The following PIK3C3 variants were observed in gnomAD, a reference collection of about 807,000 sequenced individuals.
The protein encoded by PIK3C3 is PI3-kinase type 3.
In PIK3C3, 95 loss-of-function variants were observed where a neutral mutation model predicts 126.1. That is an observed-to-expected ratio of 0.75 (90% confidence interval 0.64 to 0.89). The LOEUF (loss-of-function observed/expected upper bound fraction) is 0.89, where lower values mean the gene tolerates loss of function less well. Among genes scored for constraint, PIK3C3 ranks in the 40% least tolerant of loss-of-function variants. The probability of loss-of-function intolerance (pLI) is 0.00; values close to 1 mark genes in which losing one functional copy is unlikely to be tolerated. For missense variants in PIK3C3, 829 were observed against 1,063.2 expected, an observed-to-expected ratio of 0.78 and a Z score of 3.06; for synonymous variants, 374 against 360.0, an observed-to-expected ratio of 1.04 and a Z score of -0.44.
chr18:42,047,364 A>G (rs1984604061), intron 20 of PIK3C3, among the ~76,000 whole-genome samples: 2 of 152,116 alleles, frequency 1.3e-5, no homozygotes, highest in Admixed American at 6.5e-5. Context: ...TAGAGAACCT[A>G]AGTGTACTAA....
At chr18:41,958,971 A>G (rs892035789) in intron 2 of PIK3C3, among the ~76,000 whole-genome samples, 3 of 152,172 alleles carry the variant, frequency 2.0e-5, no homozygotes, top group Non-Finnish European at 2.9e-5. Flanking sequence ...TTAAAGCATA[A>G]CTACAGTATC....
At position 42,004,356 on chromosome 18, in the gene PIK3C3, G is replaced by A. The variant is rs2144382509; in HGVS notation, c.985G>A (p.Ala329Thr). Residue 329 changes from alanine (A) to threonine (T), a missense_variant and splice_region_variant, in exon 10 of 25, where the codon GCC becomes ACC. Ala to Thr is a moderately conservative substitution (Grantham distance 58). This residue lies in a region of PIK3C3 where 64 missense variants were observed against 118.7 expected (regional missense o/e 0.54). Coordinates refer to ENST00000262039, the MANE Select transcript of PIK3C3 (RefSeq NM_002647.4). ...FRYYLTNQEK[A>T]LTKFLKCVNW... ...ATTTTTAAATATTTTCTGATTTTAG[G>A]CCTTGACAAAATTCTTGAAATGTGT... 6.2e-7 allele frequency: 1 copy of A among 1,606,838 alleles called. No individual in the cohort carries two copies. The highest frequency in any genetic ancestry group is 8.5e-7 in the Non-Finnish European group (1 of 1,176,730).
At chr18:41,958,628 G>T (rs940030429) in intron 2 of PIK3C3, among the ~76,000 whole-genome samples, 3 of 151,992 alleles carry the variant, frequency 2.0e-5, no homozygotes, top group Admixed American at 6.5e-5. Flanking sequence ...TTCTTCAGTA[G>T]TCTTTGTGGA....
intron 10 of PIK3C3, among the ~76,000 whole-genome samples, chr18:42,009,706 T>TTACATTATGTAATG: frequency 6.8e-6 from 1 of 147,146 alleles, no homozygotes; most frequent in Admixed American, 6.7e-5. Context: ...TATGTAATGC[T>TTACATTATGTAATG]TACATTATGT....
intron 4 of PIK3C3, among the ~76,000 whole-genome samples, chr18:41,978,089 G>T (rs1463146599): frequency 6.6e-6 from 1 of 152,120 alleles, no homozygotes; most frequent in Non-Finnish European, 1.5e-5. Context: ...CTCTGGAGGA[G>T]CAGGAACTAC....
chr18:41,994,920 C>T (rs1241489489), intron 7 of PIK3C3, among the ~76,000 whole-genome samples: 4 of 152,004 alleles, frequency 2.6e-5, no homozygotes, highest in Non-Finnish European at 4.4e-5. Context: ...TACCTGTAGT[C>T]CCAGCTACTT....
intron 9 of PIK3C3, among the ~76,000 whole-genome samples, chr18:42,000,706 C>T (rs1392930747): frequency 1.3e-5 from 2 of 152,070 alleles, no homozygotes; most frequent in Admixed American, 6.5e-5. Context: ...TGATGGAAGG[C>T]AAGGAGGAGC....
intron 24 of PIK3C3, among the ~76,000 whole-genome samples, chr18:42,076,117 T>TGCAC (rs1985982758): frequency 8.7e-5 from 6 of 68,956 alleles, no homozygotes; most frequent in African/African-American, 3.8e-4. Context: ...TATATATATA[T>TGCAC]ATATGCGCAT....
chr18:42,011,321 G>T (rs1030166733), intron 10 of PIK3C3, among the ~76,000 whole-genome samples: 1 of 152,206 alleles, frequency 6.6e-6, no homozygotes, highest in African/African-American at 2.4e-5. Flanking sequence ...ACTTTGTGGT[G>T]TAGTATAGTC....
At chr18:42,023,306 G>T (rs1842707675) in intron 13 of PIK3C3, among the ~76,000 whole-genome samples, 1 of 152,172 alleles carries the variant, frequency 6.6e-6, no homozygotes, top group South Asian at 2.1e-4. Flanking sequence ...TAGAATCTTT[G>T]ATCTCTTATT....
chr18:41,989,517 A>G (rs530200369), intron 5 of PIK3C3, among the ~76,000 whole-genome samples: 2 of 152,290 alleles, frequency 1.3e-5, no homozygotes, highest in East Asian at 1.9e-4. Flanking sequence ...TCACATGTAC[A>G]ATGATGGTTC....
intron 9 of PIK3C3, among the ~76,000 whole-genome samples, chr18:42,000,269 C>T (rs1162644180): frequency 4.6e-5 from 7 of 152,122 alleles, no homozygotes; most frequent in Non-Finnish European, 8.8e-5. Context: ...TCAGCCTGGT[C>T]TTGAACTACT....
intron 22 of PIK3C3, among the ~76,000 whole-genome samples, chr18:42,063,988 C>A (rs1178004570): frequency 1.3e-5 from 2 of 152,064 alleles, no homozygotes; most frequent in Non-Finnish European, 2.9e-5. Context: ...GTGGAGAGGT[C>A]CCAGTGGAGA....
chr18:42,058,015 G>A lies in PIK3C3; in HGVS notation c.2396G>A (p.Arg799His), dbSNP rs138830568. The change falls in exon 22 of 25, where the codon CGT becomes CAT. Residue 799 changes from arginine (R) to histidine (H), a missense_variant. Physicochemically the swap from Arg to His is conservative, Grantham distance 29 (BLOSUM62 0). Transcript: ENST00000262039. ...GTQSEQYQEFRKQCYTAFLHL... is the reference protein window; with the variant it reads ...GTQSEQYQEFHKQCYTAFLHL... The stretch of plus-strand genomic sequence containing the variant: ...CAGAGTGAGCAGTACCAAGAGTTCC[G>A]TAAACAGTGTTACACGGCTTTCCTC... 46 of 1,610,540 alleles carry A rather than the reference G, an allele frequency of 2.9e-5. No individual in the cohort carries two copies. Among genetic ancestry groups the A allele is most frequent in the African/African-American group, 4.0e-5 (3 of 74,714 alleles).
chr18:42,051,495 T>C (rs1984801348), intron 21 of PIK3C3, among the ~76,000 whole-genome samples: 1 of 152,002 alleles, frequency 6.6e-6, no homozygotes, highest in Admixed American at 6.6e-5. Context: ...ATGGTCCTAT[T>C]AATTTATAAT....
chr18:42,077,831 A>G (rs1247641267), intron 24 of PIK3C3, among the ~76,000 whole-genome samples: 2 of 152,182 alleles, frequency 1.3e-5, no homozygotes, highest in Non-Finnish European at 2.9e-5. Flanking sequence ...TGTTTTGCTG[A>G]GATCCATCAG....
chr18:42,034,924 G>A (rs1242297299), intron 16 of PIK3C3, among the ~76,000 whole-genome samples: 1 of 152,188 alleles, frequency 6.6e-6, no homozygotes, highest in African/African-American at 2.4e-5. Context: ...TTGGTCATGG[G>A]TTGCAGCCCA....
chr18:42,006,293 GC>G (rs1455858991), intron 10 of PIK3C3, among the ~76,000 whole-genome samples: 1 of 145,300 alleles, frequency 6.9e-6, no homozygotes, highest in Non-Finnish European at 1.5e-5. Flanking sequence ...CACCCTCCTG[GC>G]ATGTGGGTGC....
intron 9 of PIK3C3, among the ~76,000 whole-genome samples, chr18:41,999,524 G>A (rs1210688928): frequency 6.6e-6 from 1 of 152,082 alleles, no homozygotes; most frequent in Non-Finnish European, 1.5e-5. Flanking sequence ...AATTGATGGT[G>A]ACCCATGGGA....
Sources: allele counts gnomAD v4.1 joint callset (sites outside exome capture counted in the v4.1 genomes callset), GRCh38; gene constraint gnomAD v4.1.1; regional missense constraint gnomAD v4.1.1; transcripts MANE v1.5; gene names NCBI Gene and HGNC (gene_info 2026-07-23, HGNC 2026-07-21).